The following MPP7 variants were observed in gnomAD, a reference collection of about 807,000 sequenced individuals.
MPP7 encodes the protein MAGUK p55 subfamily member 7.
Under a neutral mutation model 76.5 loss-of-function variants are expected in MPP7, and 60 were observed. That is an observed-to-expected ratio of 0.78 (90% CI 0.64 to 0.97). The LOEUF (loss-of-function observed/expected upper bound fraction) is 0.97, where lower values mean the gene tolerates loss of function less well. Ranked by LOEUF, MPP7 falls within the 50% of genes least tolerant of loss-of-function variation. The pLI is 0.00. For synonymous variants in MPP7, 237 were observed against 244.5 expected, an observed-to-expected ratio of 0.97 and a Z score of 0.29; for missense variants, 641 against 694.0, an observed-to-expected ratio of 0.92 and a Z score of 0.86.
chr10:28,204,496 C>G (rs1837886311), intron 2 of MPP7, among the ~76,000 whole-genome samples: 1 of 148,260 alleles, frequency 6.7e-6, no homozygotes. Flanking sequence ...CACGGAGACA[C>G]ACACAAATAA....
intron 3 of MPP7, among the ~76,000 whole-genome samples, chr10:28,191,358 C>A (rs1419861424): frequency 6.6e-6 from 1 of 152,110 alleles, no homozygotes; most frequent in African/African-American, 2.4e-5. Context: ...TACAGCCTAA[C>A]CGTACTTACA....
chr10:28,218,688 T>C (rs1370547545), intron 2 of MPP7, among the ~76,000 whole-genome samples: 1 of 151,648 alleles, frequency 6.6e-6, no homozygotes, highest in African/African-American at 2.4e-5. Context: ...AAAAAGAAAA[T>C]CAAGATTCAG....
chr10:28,188,658 C>G (rs1259034967), intron 3 of MPP7, among the ~76,000 whole-genome samples: 1 of 152,076 alleles, frequency 6.6e-6, no homozygotes, highest in African/African-American at 2.4e-5. Context: ...TTTTCAAGTT[C>G]AGAAGTAAAG....
At chr10:28,208,283 G>A (rs1437091599) in intron 2 of MPP7, among the ~76,000 whole-genome samples, 1 of 152,170 alleles carries the variant, frequency 6.6e-6, no homozygotes, top group African/African-American at 2.4e-5. Context: ...CCTGGGACTA[G>A]CAAGCAGGAA....
At chr10:28,229,741 T>G (rs1212165099) in intron 2 of MPP7, among the ~76,000 whole-genome samples, 3 of 151,844 alleles carry the variant, frequency 2.0e-5, no homozygotes, top group African/African-American at 4.8e-5. Context: ...TACAAAAAAT[T>G]AGCCAGGCGT....
chr10:28,331,764 G>A (rs1406287762), intron 1 of MPP7, among the ~76,000 whole-genome samples: 1 of 151,978 alleles, frequency 6.6e-6, no homozygotes, highest in Non-Finnish European at 1.5e-5. Context: ...TAGTAAAGAT[G>A]AGATTTCACC....
At chr10:28,234,639 G>A (rs11006935) in intron 2 of MPP7, among the ~76,000 whole-genome samples, 13,640 of 152,100 alleles carry the variant, frequency 0.09, 692 homozygotes, top group Non-Finnish European at 0.12. Flanking sequence ...GCCCTTCACC[G>A]CTCTGATCTT....
intron 2 of MPP7, among the ~76,000 whole-genome samples, chr10:28,212,881 G>C (rs1369168502): frequency 6.6e-6 from 1 of 152,152 alleles, no homozygotes; most frequent in African/African-American, 2.4e-5. Flanking sequence ...TGAATGAGGA[G>C]CACTAAAAAA....
chr10:28,203,640 C>T lies in MPP7; in HGVS notation c.38-1369G>A, dbSNP rs532652956. On this transcript the variant is annotated intron_variant, in intron 2 of 16. Coordinates refer to ENST00000683449, the MANE Select transcript of MPP7 (RefSeq NM_001318170.2). ...TAAAATTATTTGTAAGGTATCTCAG[C>T]CTAACTCAATCTATAATAATACAGG... Among the ~76,000 whole-genome samples the T allele has an allele frequency of 7.9e-5, 12 of 152,178 alleles. No homozygotes were observed. In the South Asian group the frequency reaches 1.2e-3, roughly 16 times the overall value.
At chr10:28,266,857 C>G (rs185415920) in intron 1 of MPP7, among the ~76,000 whole-genome samples, 1 of 152,316 alleles carries the variant, frequency 6.6e-6, no homozygotes, top group African/African-American at 2.4e-5. Flanking sequence ...CTTTATGTCT[C>G]TAGTTTCCAG....
At chr10:28,265,878 T>C (rs1840135002) in intron 1 of MPP7, among the ~76,000 whole-genome samples, 1 of 152,178 alleles carries the variant, frequency 6.6e-6, no homozygotes, top group African/African-American at 2.4e-5. Context: ...AAAACTACAT[T>C]ATTGCTTGAA....
chr10:28,276,273 C>T (rs961766566), intron 1 of MPP7, among the ~76,000 whole-genome samples: 1 of 152,028 alleles, frequency 6.6e-6, no homozygotes, highest in Non-Finnish European at 1.5e-5. Flanking sequence ...TCAGGTGATC[C>T]ACCCGCCTCG....
chr10:28,292,210 T>C (rs571412382), intron 1 of MPP7, among the ~76,000 whole-genome samples: 1 of 152,352 alleles, frequency 6.6e-6, no homozygotes, highest in African/African-American at 2.4e-5. Flanking sequence ...TAGTAGGCTG[T>C]GTTATCTACA....
intron 3 of MPP7, among the ~76,000 whole-genome samples, chr10:28,191,028 G>A (rs914204499): frequency 6.6e-6 from 1 of 152,104 alleles, no homozygotes; most frequent in Non-Finnish European, 1.5e-5. Flanking sequence ...AATTTGATAA[G>A]TTAGATGATA....
intron 3 of MPP7, among the ~76,000 whole-genome samples, chr10:28,182,558 G>A (rs888159122): frequency 8.5e-5 from 13 of 152,140 alleles, no homozygotes; most frequent in African/African-American, 3.1e-4. Context: ...CCACACAAAA[G>A]TTATCTCCTA....
At chr10:28,260,769 CA>C (rs772017051) in intron 1 of MPP7, among the ~76,000 whole-genome samples, 680 of 68,336 alleles carry the variant, frequency 1.0e-2, no homozygotes, top group Non-Finnish European at 0.013. Flanking sequence ...GACTCCATCT[CA>C]AAAAAAAAAA....
intron 5 of MPP7, among the ~76,000 whole-genome samples, chr10:28,136,468 A>C (rs139378831): frequency 1.3e-5 from 2 of 152,178 alleles, no homozygotes; most frequent in African/African-American, 4.8e-5. Flanking sequence ...CAAAGAAAGC[A>C]GAAAATACTG....
At chr10:28,307,810 A>G (rs1841267426), upstream of MPP7, among the ~76,000 whole-genome samples, 2 of 152,128 alleles carry the variant, frequency 1.3e-5, no homozygotes, top group African/African-American at 2.4e-5. Context: ...CCTTCTCTCT[A>G]TCCCCCTAGA....
intron 3 of MPP7, among the ~76,000 whole-genome samples, chr10:28,196,191 C>G (rs1005204780): frequency 6.6e-6 from 1 of 152,084 alleles, no homozygotes; most frequent in Non-Finnish European, 1.5e-5. Flanking sequence ...TCAATATTCA[C>G]ATATCCAGGC....
Sources: allele counts gnomAD v4.1 joint callset (sites outside exome capture counted in the v4.1 genomes callset), GRCh38; gene constraint gnomAD v4.1.1; transcripts MANE v1.5; gene names NCBI Gene and HGNC (gene_info 2026-07-23, HGNC 2026-07-21).